SPEN: variants seen among roughly 807,000 people sequenced by gnomAD.
SPEN encodes msx2-interacting protein.
In SPEN, 18 loss-of-function variants were observed where a neutral mutation model predicts 269.9. The observed-to-expected ratio is 0.07, with a 90% CI of 0.05 to 0.10. The LOEUF is 0.10. SPEN is among the 10% of genes least tolerant of loss of function. SPEN has a pLI of 1.00. For synonymous variants in SPEN, 1,726 were observed against 1,765.7 expected (o/e 0.98, Z 0.56); for missense variants, 3,822 against 4,631.2 (o/e 0.83, Z 5.07).
At chr1:15,875,214 A>G (rs2070618765) in intron 2 of SPEN, among the ~76,000 whole-genome samples, 1 of 152,154 alleles carries the variant, frequency 6.6e-6, no homozygotes, top group African/African-American at 2.4e-5. Context: ...GCATGTGTGT[A>G]ATCGTACATG....
At position 15,848,159 on chromosome 1, in the gene SPEN, C is replaced by T. The variant is rs1256768495; in HGVS notation, c.83+9C>T. 14 of 1,460,402 alleles carry T rather than the reference C, an allele frequency of 9.6e-6. No individual in the cohort carries two copies. The highest frequency in any genetic ancestry group is 7.9e-5 in the South Asian group (6 of 76,354). The allele number at this position is 1,460,402 out of a possible 1,614,324, so 90.5% of individuals were successfully genotyped here. On this transcript the variant is annotated intron_variant, in intron 1 of 14. Transcript: ENST00000375759. This position sits in a 1 kb window ranked among gnomAD's most constrained non-coding sequence, Gnocchi z 5.1. ...ATCGAGCATTTCAAACGGTGAGTGA[C>T]ACGAGGCCCGCGGCCGCGCTCGCTC...
chr1:15,911,344 A>G, intron 5 of SPEN, 43 bp downstream of exon 5: 10 of 1,543,876 alleles, frequency 6.5e-6, no homozygotes, highest in Non-Finnish European at 9.0e-6. Context: ...CATCACACAC[A>G]CTGTTTGTGT....
chr1:15,931,441 A>G lies in SPEN; in HGVS notation c.5201A>G (p.Lys1734Arg), dbSNP rs368522361. Residue 1734 changes from lysine (K) to arginine (R), a missense_variant, in exon 11 of 15, where the codon AAG (lysine) becomes AGG (arginine). Coordinates refer to ENST00000375759, the MANE Select transcript of SPEN (RefSeq NM_015001.3). This position sits in a 1 kb window ranked among gnomAD's most constrained non-coding sequence, Gnocchi z 4.8. The part of the protein sequence containing the change: ...SGDQPPYLDA[K>R]PPTPGASFSQ... ...GACCAGCCGCCTTATCTGGATGCCA[A>G]GCCTCCAACTCCCGGGGCCTCGTTT... is the stretch of plus-strand genomic sequence containing the variant. 1.2e-6 allele frequency: 2 copies of G among 1,614,166 alleles called. No homozygotes were observed. Among genetic ancestry groups the G allele is most frequent in the East Asian group, 2.2e-5 (1 of 44,884 alleles).
chr1:15,935,394 A>T lies in SPEN; in HGVS notation c.9154A>T (p.Thr3052Ser), dbSNP rs927670507. ...CAGTACTGCATCTACGGCGCTCTCC[A>T]CCAACGCCACAGTCATGCTGGCTGC... ...PSSTASTALSTNATVMLAAGI... is the reference protein window; with the variant it reads ...PSSTASTALSSNATVMLAAGI... The change falls in exon 11 of 15, where the codon ACC becomes TCC. Residue 3052 changes from threonine (T) to serine (S), a missense_variant. This residue lies in a region of SPEN where 153 missense variants were observed against 228.5 expected (regional missense o/e 0.67). Coordinates refer to ENST00000375759, the MANE Select transcript of SPEN (RefSeq NM_015001.3). This position sits in a 1 kb window ranked among gnomAD's most constrained non-coding sequence, Gnocchi z 7.7. The T allele has an allele frequency of 1.2e-6, 2 of 1,613,846 alleles. No individual in the cohort carries two copies. Among genetic ancestry groups the T allele is most frequent in the African/African-American group, 1.3e-5 (1 of 74,864 alleles).
intron 3 of SPEN, among the ~76,000 whole-genome samples, chr1:15,879,027 AAAG>A (rs1054085547): frequency 2.7e-5 from 4 of 150,858 alleles, no homozygotes; most frequent in African/African-American, 4.9e-5. Context: ...AAAAAAAAGA[AAAG>A]AAAAGAAAAA....
intron 3 of SPEN, among the ~76,000 whole-genome samples, chr1:15,901,918 T>C (rs2148724428): frequency 6.8e-6 from 1 of 146,122 alleles, no homozygotes; most frequent in South Asian, 2.1e-4. Flanking sequence ...ATTTTTTACT[T>C]ATTTATTTAG....
At chr1:15,850,901 C>T (rs2070329559) in intron 1 of SPEN, among the ~76,000 whole-genome samples, 3 of 152,160 alleles carry the variant, frequency 2.0e-5, no homozygotes, top group South Asian at 2.1e-4. Flanking sequence ...ATCCTTTTCC[C>T]TAGCTGATTA....
rs149575630 is a variant in SPEN, at chr1:15,935,188, C to T, written c.8948C>T (p.Thr2983Met). ...CCGGCCAACCTGGGGTCCACGCTCA[C>T]GCCCCACCACCCTCCTGCTCTGCCC... is the stretch of plus-strand genomic sequence containing the variant. ...LQPANLGSTLTPHHPPALPSK... is the reference protein window; with the variant it reads ...LQPANLGSTLMPHHPPALPSK... Residue 2983 changes from threonine to methionine, a missense_variant, in exon 11 of 15, where the codon ACG becomes ATG. Physicochemically the swap from Thr to Met is moderately conservative, Grantham distance 81 (BLOSUM62 -1). This residue lies in a region of SPEN where 94 missense variants were observed against 90.4 expected (regional missense o/e 1.04). Transcript: ENST00000375759. This position sits in a 1 kb window ranked among gnomAD's most constrained non-coding sequence, Gnocchi z 7.7. 62 of 1,614,024 alleles carry T rather than the reference C, an allele frequency of 3.8e-5. No homozygotes were observed. In the African/African-American group the frequency reaches 5.3e-4, roughly 14 times the overall value.
In SPEN at chr1:15,933,169, A is replaced by T; in HGVS notation, c.6929A>T (p.His2310Leu). 6.2e-7 allele frequency: 1 copy of T among 1,614,178 alleles called. No individual in the cohort carries two copies. Among genetic ancestry groups the T allele is most frequent in the Non-Finnish European group, 8.5e-7 (1 of 1,180,026 alleles). Residue 2310 changes from histidine (H) to leucine (L), a missense_variant, in exon 11 of 15, where the codon CAC (histidine) becomes CTC (leucine). Physicochemically the swap from His to Leu is moderately conservative, Grantham distance 99. Around this residue, in one of 16 missense-constraint regions of SPEN, gnomAD observed 727 missense variants for 737.9 expected, o/e 0.99. Coordinates refer to ENST00000375759, the MANE Select transcript of SPEN (RefSeq NM_015001.3). This position sits in a 1 kb window ranked among gnomAD's most constrained non-coding sequence, Gnocchi z 5.7. ...EARGNSSETS[H>L]SVPEAKGSKE... ...AGAGGAAATAGCAGTGAAACCTCAC[A>T]CTCAGTGCCAGAAGCCAAAGGGTCT...
chr1:15,938,970 G>T (rs1305548060), intron 14 of SPEN, 94 bp downstream of exon 14: 3 of 1,478,592 alleles, frequency 2.0e-6, no homozygotes, highest in Non-Finnish European at 2.7e-6. Context: ...ACTAGATCTG[G>T]CCCCAGAGGT....
intron 1 of SPEN, among the ~76,000 whole-genome samples, chr1:15,850,337 A>T (rs2070322746): frequency 6.6e-6 from 1 of 152,216 alleles, no homozygotes; most frequent in African/African-American, 2.4e-5. Flanking sequence ...GATGCTACTG[A>T]TAAAAGCAGG....
In SPEN at chr1:15,935,387, G is replaced by A. The variant is rs761975714; in HGVS notation, c.9147G>A (p.Ala3049=). ...ASHPSSTAST[A]LSTNATVMLA... ...ACCCCAGCAGTACTGCATCTACGGC[G>A]CTCTCCACCAACGCCACAGTCATGC... is the stretch of plus-strand genomic sequence containing the variant. The change falls in exon 11 of 15, where the codon GCG becomes GCA. Residue 3049 remains alanine, a synonymous_variant. Transcript: ENST00000375759. The surrounding 1 kb of genome is among the most constrained non-coding windows in gnomAD (Gnocchi z 7.7). The A allele has an allele frequency of 1.6e-5, 26 of 1,613,876 alleles. No homozygotes were observed. The highest frequency in any genetic ancestry group is 2.2e-5 in the South Asian group (2 of 91,086).
At chr1:15,923,206 G>T (rs921787758) in intron 10 of SPEN, among the ~76,000 whole-genome samples, 2 of 152,148 alleles carry the variant, frequency 1.3e-5, no homozygotes, top group Non-Finnish European at 2.9e-5. Flanking sequence ...AATGTGCAGG[G>T]CAAACCTGAT....
intron 3 of SPEN, among the ~76,000 whole-genome samples, chr1:15,907,966 G>GT (rs1244683240): frequency 6.6e-6 from 1 of 151,934 alleles, no homozygotes; most frequent in Non-Finnish European, 1.5e-5. Flanking sequence ...CTCTCTTTCT[G>GT]TTTGAGGATT....
Position 15,930,590 on chromosome 1 carries a change from A to C in SPEN, c.4350A>C (p.Arg1450Ser). The C allele has an allele frequency of 6.2e-7, 1 of 1,614,154 alleles. No individual in the cohort carries two copies. The highest frequency in any genetic ancestry group is 8.5e-7 in the Non-Finnish European group (1 of 1,179,982). Residue 1450 changes from arginine to serine, a missense_variant, in exon 11 of 15, where the codon AGA becomes AGC. Physicochemically the swap from Arg to Ser is moderately radical, Grantham distance 110. Around this residue, in one of 16 missense-constraint regions of SPEN, gnomAD observed 267 missense variants for 315.5 expected, o/e 0.85. Coordinates refer to ENST00000375759, the MANE Select transcript of SPEN (RefSeq NM_015001.3). This position sits in a 1 kb window ranked among gnomAD's most constrained non-coding sequence, Gnocchi z 5.3. ...ITPDTKALLE[R>S]AKSLSSSREE... ...CAGACACTAAAGCTTTGCTTGAAAG[A>C]GCTAAATCCCTCTCTTCATCTCGTG...
Position 15,930,851 on chromosome 1 carries a change from A to G in SPEN, c.4611A>G (p.Glu1537=). The G allele has an allele frequency of 6.2e-7, 1 of 1,614,156 alleles. No individual in the cohort carries two copies. Among genetic ancestry groups the G allele is most frequent in the South Asian group, 1.1e-5 (1 of 91,082 alleles). The stretch of plus-strand genomic sequence containing the variant: ...GTTTTTTACACAGCTCAATCTTTGA[A>G]CAAGATTCCAAGCGATTGCAGCATC... ...ASRFLHSSIF[E]QDSKRLQHLE... The change falls in exon 11 of 15, where the codon GAA becomes GAG. Residue 1537 remains glutamate (E), a synonymous_variant. Transcript: ENST00000375759. This position sits in a 1 kb window ranked among gnomAD's most constrained non-coding sequence, Gnocchi z 5.3.
rs368639527 is a variant in SPEN, at chr1:15,937,368, G to T, written c.10232G>T (p.Arg3411Met). ...QPRLPAGPANRPPEPHTQVQR... is the reference protein window; with the variant it reads ...QPRLPAGPANMPPEPHTQVQR... ...CGCCTCCCAGCTGGACCTGCAAACAGGCCACCTGAGCCTCACACCCAGGTT... is the reference window on the plus strand; with the variant it reads ...CGCCTCCCAGCTGGACCTGCAAACATGCCACCTGAGCCTCACACCCAGGTT... The change falls in exon 12 of 15, where the codon AGG becomes ATG. Residue 3411 changes from arginine (R) to methionine (M), a missense_variant. Physicochemically the swap from Arg to Met is moderately conservative, Grantham distance 91. Transcript: ENST00000375759. The surrounding 1 kb of genome is among the most constrained non-coding windows in gnomAD (Gnocchi z 5.7). 6.2e-7 allele frequency: 1 copy of T among 1,613,934 alleles called. No homozygotes were observed.
At chr1:15,854,610 A>G (rs2070367804) in intron 1 of SPEN, among the ~76,000 whole-genome samples, 1 of 151,698 alleles carries the variant, frequency 6.6e-6, no homozygotes, top group Admixed American at 6.6e-5. Context: ...TCAGCCTCCC[A>G]AGTAGCTGGG....
At chr1:15,891,897 T>A (rs989455897) in intron 3 of SPEN, among the ~76,000 whole-genome samples, 5 of 146,570 alleles carry the variant, frequency 3.4e-5, no homozygotes, top group Non-Finnish European at 6.0e-5. Flanking sequence ...TCTGGAGACC[T>A]GGTTTTTTTA....
Sources: gnomAD v4.1 joint callset for allele counts (sites outside exome capture counted in the v4.1 genomes callset) on GRCh38, gnomAD v4.1.1 for gene constraint, gnomAD v4.1.1 regional missense constraint, Gnocchi (gnomAD v3.1) non-coding constraint, MANE v1.5 for transcripts, NCBI Gene and HGNC (gene_info 2026-07-23, HGNC 2026-07-21) for gene names.